Variants in EXOC2 observed in about 807,000 individuals in gnomAD.
EXOC2 encodes SEC5-like 1.
EXOC2 carries 70 observed loss-of-function variants against 131.8 expected under a neutral mutation model. The observed-to-expected ratio is 0.53, with a 90% CI of 0.44 to 0.65. The LOEUF (loss-of-function observed/expected upper bound fraction) is 0.65, where lower values mean the gene tolerates loss of function less well. Among genes scored for constraint, EXOC2 ranks in the 30% least tolerant of loss-of-function variants. EXOC2 has a pLI of 0.00. For synonymous variants in EXOC2, 411 were observed against 398.4 expected (o/e 1.03, Z -0.38); for missense variants, 923 against 1,108.6 (o/e 0.83, Z 2.38).
chr6:629,711 C>G (rs1711559930), intron 4 of EXOC2, 124 bp downstream of exon 4: 6 of 1,179,230 alleles, frequency 5.1e-6, no homozygotes, highest in Non-Finnish European at 7.0e-6. Flanking sequence ...CATCTCCAAA[C>G]AACTGAGGTG....
chr6:640,084 C>T (rs553438361), intron 1 of EXOC2, among the ~76,000 whole-genome samples: 6 of 152,300 alleles, frequency 3.9e-5, no homozygotes, highest in Admixed American at 6.5e-5. Flanking sequence ...CAAAGCCCAT[C>T]TGGGCTCCAG....
At chr6:598,750 C>A in intron 9 of EXOC2, 110 bp downstream of exon 9, 2 of 779,364 alleles carry the variant, frequency 2.6e-6, no homozygotes, top group Non-Finnish European at 4.1e-6. Flanking sequence ...GTAAAGAGAG[C>A]CTCATATAAA....
intron 1 of EXOC2, among the ~76,000 whole-genome samples, chr6:658,629 A>AATATATATATATATTTTAT (rs1485902328): frequency 5.0e-5 from 6 of 119,912 alleles, no homozygotes; most frequent in South Asian, 2.9e-4. Context: ...GGATATTTAA[A>AATATATATATATATTTTAT]ATATATATAT....
chr6:570,968 C>T (rs1053836487), intron 13 of EXOC2, among the ~76,000 whole-genome samples: 1 of 152,184 alleles, frequency 6.6e-6, no homozygotes, highest in Admixed American at 6.5e-5. Flanking sequence ...TTGACCTCAG[C>T]ATGGTGAGCC....
intron 1 of EXOC2, among the ~76,000 whole-genome samples, chr6:661,987 G>A (rs1763442445): frequency 6.6e-6 from 1 of 152,222 alleles, no homozygotes; most frequent in South Asian, 2.1e-4. Flanking sequence ...GACACCAAAA[G>A]AGAGCAGGGG....
In EXOC2 at chr6:630,027, C is replaced by T. The variant is rs558330058; in HGVS notation, c.296-66G>A. The T allele has an allele frequency of 5.9e-5, 93 of 1,569,014 alleles. No individual in the cohort carries two copies. In the African/African-American group the frequency reaches 1.2e-3, roughly 20 times the overall value. The stretch of plus-strand genomic sequence containing the variant: ...ACCCCAGGCACCTTCTACGTCTGGC[C>T]TATTGTCTGACTTCTTAAAGACCTA... On this transcript the variant is annotated intron_variant, in intron 3 of 27. Transcript: ENST00000230449.
At chr6:618,755 C>T (rs575925700) in intron 5 of EXOC2, among the ~76,000 whole-genome samples, 1 of 152,266 alleles carries the variant, frequency 6.6e-6, no homozygotes, top group East Asian at 1.9e-4. Context: ...GCTTTTCACC[C>T]TAATAAATGA....
chr6:612,927 G>C (rs1001442644), intron 6 of EXOC2, among the ~76,000 whole-genome samples: 1 of 152,042 alleles, frequency 6.6e-6, no homozygotes, highest in African/African-American at 2.4e-5. Context: ...GATTATACAG[G>C]TCACTAAATG....
At chr6:566,296 C>T (rs1408357657) in intron 13 of EXOC2, among the ~76,000 whole-genome samples, 1 of 152,086 alleles carries the variant, frequency 6.6e-6, no homozygotes, top group Non-Finnish European at 1.5e-5. Flanking sequence ...TGCTGTGAGG[C>T]CTACATTAAG....
At chr6:663,288 T>C (rs1763499955) in intron 1 of EXOC2, among the ~76,000 whole-genome samples, 1 of 152,028 alleles carries the variant, frequency 6.6e-6, no homozygotes, top group African/African-American at 2.4e-5. Flanking sequence ...AGCAGCAAGA[T>C]TGAAATGGTA....
chr6:586,135 T>G (rs1362700608), intron 11 of EXOC2, among the ~76,000 whole-genome samples: 1 of 152,224 alleles, frequency 6.6e-6, no homozygotes, highest in Admixed American at 6.5e-5. Flanking sequence ...TAGCCTTCAG[T>G]AGACAGCTAT....
chr6:527,054 A>G (rs2493033), intron 23 of EXOC2, among the ~76,000 whole-genome samples: 145,326 of 152,266 alleles, frequency 0.95, 69,424 homozygotes, highest in East Asian at 1. Flanking sequence ...TAATGTGTGT[A>G]TATAAATGCA....
At chr6:669,722 C>T (rs1029510063) in intron 1 of EXOC2, 2 of 152,452 alleles carry the variant, frequency 1.3e-5, no homozygotes, top group African/African-American at 4.8e-5. Context: ...AAGGACTTCA[C>T]AGTGATGGTG....
chr6:516,386 C>T (rs1271071425), intron 23 of EXOC2, among the ~76,000 whole-genome samples: 2 of 152,202 alleles, frequency 1.3e-5, no homozygotes, highest in Non-Finnish European at 2.9e-5. Context: ...AATGTTCCCA[C>T]GCACAGAGCT....
At chr6:674,413 C>T (rs1004252111) in intron 1 of EXOC2, among the ~76,000 whole-genome samples, 2 of 151,976 alleles carry the variant, frequency 1.3e-5, no homozygotes, top group African/African-American at 4.8e-5. Context: ...GTTCATGTAC[C>T]CTGTTAAAAA....
At chr6:649,094 G>A (rs562621103) in intron 1 of EXOC2, among the ~76,000 whole-genome samples, 1 of 152,154 alleles carries the variant, frequency 6.6e-6, no homozygotes, top group South Asian at 2.1e-4. Context: ...GTGCGATCAG[G>A]GTGCATTACT....
At chr6:541,767 C>G (rs974218293) in intron 22 of EXOC2, among the ~76,000 whole-genome samples, 2 of 152,134 alleles carry the variant, frequency 1.3e-5, no homozygotes, top group Non-Finnish European at 2.9e-5. Context: ...GGTTCTATAA[C>G]CATTAAAGAA....
At position 586,532 on chromosome 6, in the gene EXOC2, A is replaced by C. The variant is rs559855691; in HGVS notation, c.1192+5937T>G. Among the ~76,000 whole-genome samples, 91 of 152,356 alleles carry C rather than the reference A, an allele frequency of 6.0e-4. No individual in the cohort carries two copies. The South Asian group carries it at 6.0e-3, about 10-fold the overall frequency. On this transcript the variant is annotated intron_variant, in intron 11 of 27. Transcript: ENST00000230449. ...CACCTATGTATAGCAAAATAGCATA[A>C]AAGTAATAAAGACCAGAAGCACTTC...
At chr6:488,572 A>G (rs544391943) in intron 27 of EXOC2, among the ~76,000 whole-genome samples, 1 of 152,086 alleles carries the variant, frequency 6.6e-6, no homozygotes, top group Non-Finnish European at 1.5e-5. Flanking sequence ...ATACTACTGA[A>G]TTACTCAAAA....
Sources: gnomAD v4.1 joint callset for allele counts (sites outside exome capture counted in the v4.1 genomes callset) on GRCh38, gnomAD v4.1.1 for gene constraint, MANE v1.5 for transcripts, NCBI Gene and HGNC (gene_info 2026-07-23, HGNC 2026-07-21) for gene names.